The following POU2F1 variants were observed in gnomAD, a reference collection of about 807,000 sequenced individuals.
The protein encoded by POU2F1 is POU domain, class 2, transcription factor 1.
In POU2F1, 16 loss-of-function variants were observed where a neutral mutation model predicts 84.9. The ratio of observed to expected loss-of-function variants is 0.19; its 90% CI spans 0.13 to 0.29. The LOEUF is 0.29. POU2F1 is among the 10% of genes least tolerant of loss of function. The pLI, the probability that POU2F1 is intolerant of heterozygous loss-of-function variation, is 1.00. For synonymous variants in POU2F1, 368 were observed against 368.3 expected (o/e 1.00, Z 0.01); for missense variants, 738 against 942.6 (o/e 0.78, Z 2.84).
intron 4 of POU2F1, among the ~76,000 whole-genome samples, chr1:167,371,509 G>A (rs1180844127): frequency 6.6e-6 from 1 of 152,198 alleles, no homozygotes; most frequent in Non-Finnish European, 1.5e-5. Flanking sequence ...TGTGGATCAA[G>A]TGATCATTCT....
intron 1 of POU2F1, among the ~76,000 whole-genome samples, chr1:167,317,592 T>C (rs969943344): frequency 6.6e-6 from 1 of 152,242 alleles, no homozygotes; most frequent in Non-Finnish European, 1.5e-5. Context: ...AGAGATGGAC[T>C]CTGGCTAGTT....
chr1:167,414,231 A>AT (rs945829191), intron 15 of POU2F1: 200 of 764,058 alleles, frequency 2.6e-4, no homozygotes, highest in South Asian at 3.6e-4. Flanking sequence ...TTATATAATA[A>AT]TTTTTTTTTG....
chr1:167,334,720 A>T (rs1250710318), intron 2 of POU2F1, among the ~76,000 whole-genome samples: 2 of 152,256 alleles, frequency 1.3e-5, no homozygotes. Context: ...TATATTAGAT[A>T]TAAAATTACA....
chr1:167,420,565 C>T lies in POU2F1; in HGVS notation c.*4755C>T, dbSNP rs1650583777. ...TCTCTGTTCTTAGTCTAAAGCTGTT[C>T]CCAAACCAGGTCATCCTCACGAAAC... On this transcript the variant is annotated 3_prime_UTR_variant, in exon 16 of 16. Coordinates refer to ENST00000367866, the MANE Select transcript of POU2F1 (RefSeq NM_002697.4). 1 of 152,156 alleles carries T rather than the reference C, an allele frequency of 6.6e-6. No individual in the cohort carries two copies. Among genetic ancestry groups the T allele is most frequent in the Admixed American group, 6.5e-5 (1 of 15,270 alleles). 9.4% of individuals were successfully genotyped at this position (152,156 alleles called of 1,614,324 possible).
Position 167,364,581 on chromosome 1 carries a change from C to CTT in POU2F1, c.128-873_128-872dup, listed in dbSNP as rs745794975. 6.7e-3 allele frequency among the ~76,000 whole-genome samples: 805 copies of CTT among 120,820 alleles called. 7 individuals carry two copies. Among genetic ancestry groups the CTT allele is most frequent in the African/African-American group, 0.024 (772 of 32,724 alleles). The allele number at this position is 120,820 out of a possible 152,430, so 79.3% of individuals were successfully genotyped here. A position where few individuals can be genotyped will look rare whatever the true frequency, so the allele number is the denominator to read the frequency against. On this transcript the variant is annotated intron_variant, in intron 2 of 15. Coordinates refer to ENST00000367866, the MANE Select transcript of POU2F1 (RefSeq NM_002697.4). ...AACATTTTTTTTTCTTTCTTTCTTT[C>CTT]TTTTTTTTTTTTTTGAGACAAGTTT... is the stretch of plus-strand genomic sequence containing the variant.
chr1:167,413,392 A>G (rs558705987), intron 15 of POU2F1, among the ~76,000 whole-genome samples: 1 of 152,290 alleles, frequency 6.6e-6, no homozygotes, highest in Non-Finnish European at 1.5e-5. Flanking sequence ...CTTTCATGCT[A>G]ATATTGATCT....
chr1:167,410,878 G>A (rs998477496), intron 13 of POU2F1, among the ~76,000 whole-genome samples: 5 of 152,066 alleles, frequency 3.3e-5, no homozygotes, highest in African/African-American at 1.2e-4. Flanking sequence ...TTGTATTTCT[G>A]TTAGACAACA....
chr1:167,409,092 G>A lies in POU2F1; in HGVS notation c.1556-2867G>A, dbSNP rs193099227. On this transcript the variant is annotated intron_variant, in intron 13 of 15. Coordinates refer to ENST00000367866, the MANE Select transcript of POU2F1 (RefSeq NM_002697.4). ...GGATCATTCTCTTGGTGCTGTGTCTGTGAACTCTTTGCTTAACCCAGGGTC... is the reference window on the plus strand; with the variant it reads ...GGATCATTCTCTTGGTGCTGTGTCTATGAACTCTTTGCTTAACCCAGGGTC... 2.6e-5 allele frequency among the ~76,000 whole-genome samples: 4 copies of A among 152,284 alleles called. No individual in the cohort carries two copies. In the East Asian group the frequency reaches 7.7e-4, roughly 29 times the overall value.
chr1:167,349,392 C>T (rs1022689702), intron 2 of POU2F1, among the ~76,000 whole-genome samples: 10 of 152,112 alleles, frequency 6.6e-5, no homozygotes, highest in Non-Finnish European at 1.3e-4. Flanking sequence ...CGGCCAGACT[C>T]GCTATCCCTT....
At chr1:167,276,103 C>T (rs939399472) in intron 1 of POU2F1, among the ~76,000 whole-genome samples, 3 of 152,178 alleles carry the variant, frequency 2.0e-5, no homozygotes, top group Non-Finnish European at 2.9e-5. Flanking sequence ...AAATATTAAA[C>T]GGAAAATCCA....
At chr1:167,336,461 A>C (rs1183438806) in intron 2 of POU2F1, among the ~76,000 whole-genome samples, 2 of 152,280 alleles carry the variant, frequency 1.3e-5, no homozygotes, top group South Asian at 4.1e-4. Context: ...AACCTTAAAT[A>C]ATGCCATAAG....
chr1:167,257,293 A>AT (rs1014463747), intron 1 of POU2F1, among the ~76,000 whole-genome samples: 28 of 151,526 alleles, frequency 1.8e-4, no homozygotes, highest in Non-Finnish European at 2.2e-4. Flanking sequence ...AAAAACAACC[A>AT]TTTTTTTTTA....
intron 1 of POU2F1, among the ~76,000 whole-genome samples, chr1:167,312,984 A>AG (rs1177556464): frequency 6.6e-6 from 1 of 152,234 alleles, no homozygotes; most frequent in Non-Finnish European, 1.5e-5. Flanking sequence ...CATATAGCCT[A>AG]GGTGTATAGT....
chr1:167,341,597 T>G (rs1657859520), intron 2 of POU2F1, among the ~76,000 whole-genome samples: 1 of 152,184 alleles, frequency 6.6e-6, no homozygotes, highest in South Asian at 2.1e-4. Flanking sequence ...GCACACAGAC[T>G]GGCAGGTGCA....
intron 2 of POU2F1, among the ~76,000 whole-genome samples, chr1:167,354,283 C>A (rs1478108649): frequency 6.6e-6 from 1 of 151,932 alleles, no homozygotes; most frequent in African/African-American, 2.4e-5. Flanking sequence ...AGAGTATTTT[C>A]TTTATTTTTA....
intron 1 of POU2F1, among the ~76,000 whole-genome samples, chr1:167,221,232 T>C (rs1163545045): frequency 1.3e-5 from 2 of 151,174 alleles, no homozygotes; most frequent in Non-Finnish European, 3.0e-5. Context: ...CCGCTCGCCG[T>C]CTGCCCGTCG....
At chr1:167,361,518 A>T (rs1306557526) in intron 2 of POU2F1, among the ~76,000 whole-genome samples, 1 of 152,196 alleles carries the variant, frequency 6.6e-6, no homozygotes, top group Non-Finnish European at 1.5e-5. Context: ...CCCAGAAATA[A>T]AGCCCACTTG....
chr1:167,265,103 A>G (rs1267751293), intron 1 of POU2F1, among the ~76,000 whole-genome samples: 1 of 152,242 alleles, frequency 6.6e-6, no homozygotes, highest in African/African-American at 2.4e-5. Flanking sequence ...ATTTTGTAAG[A>G]GAGTCCTGTA....
intron 7 of POU2F1, among the ~76,000 whole-genome samples, chr1:167,382,199 G>A (rs1426943483): frequency 1.3e-5 from 2 of 152,168 alleles, no homozygotes; most frequent in Non-Finnish European, 2.9e-5. Context: ...ATACCAATAA[G>A]TACTAGTCAG....
Sources: gnomAD v4.1 joint callset for allele counts (sites outside exome capture counted in the v4.1 genomes callset) on GRCh38, gnomAD v4.1.1 for gene constraint, MANE v1.5 for transcripts, NCBI Gene and HGNC (gene_info 2026-07-23, HGNC 2026-07-21) for gene names.